GLIS3: variants seen among roughly 807,000 people sequenced by gnomAD.
The protein encoded by GLIS3 is zinc finger protein GLIS3.
Under a neutral mutation model 78.6 loss-of-function variants are expected in GLIS3, and 53 were observed. That is an observed-to-expected ratio of 0.67 (90% CI 0.54 to 0.85). The LOEUF is 0.85. GLIS3 is among the 40% of genes least tolerant of loss of function. The pLI is 0.00. For missense variants in GLIS3, 1,703 were observed against 1,231.1 expected, an observed-to-expected ratio of 1.38 and a Z score of -5.74; for synonymous variants, 684 against 509.9, an observed-to-expected ratio of 1.34 and a Z score of -4.60.
At chr9:4,475,547 T>G in the GLIS3 span, among the ~76,000 whole-genome samples, 1 of 152,206 alleles carries the variant, frequency 6.6e-6, no homozygotes, top group Non-Finnish European at 1.5e-5. Flanking sequence ...CCACACAGTG[T>G]AGTATTCTGC....
intron 9 of GLIS3, among the ~76,000 whole-genome samples, chr9:3,840,052 T>G (rs1818618646): frequency 6.6e-6 from 1 of 152,242 alleles, no homozygotes; most frequent in Non-Finnish European, 1.5e-5. Flanking sequence ...TGTCTTTGGA[T>G]GAATGATTTT....
intron 2 of GLIS3, chr9:4,285,506 C>A (rs956989846): frequency 6.6e-6 from 1 of 152,258 alleles, no homozygotes; most frequent in Non-Finnish European, 1.5e-5. Flanking sequence ...AAATTACAGG[C>A]TTTGCTCTTA....
chr9:4,335,710 T>G (rs1817746076), intron 2 of GLIS3, among the ~76,000 whole-genome samples: 1 of 152,170 alleles, frequency 6.6e-6, no homozygotes, highest in Non-Finnish European at 1.5e-5. Flanking sequence ...AGGATCTATT[T>G]AGACCTCTCT....
At chr9:4,316,838 G>C (rs1033844588) in intron 2 of GLIS3, among the ~76,000 whole-genome samples, 1 of 150,074 alleles carries the variant, frequency 6.7e-6, no homozygotes, top group African/African-American at 2.5e-5. Flanking sequence ...ATTTATTTCC[G>C]TGTTTAATAT....
chr9:4,126,153 C>T (rs996454826), intron 2 of GLIS3, among the ~76,000 whole-genome samples: 5 of 152,042 alleles, frequency 3.3e-5, no homozygotes, highest in Non-Finnish European at 5.9e-5. Context: ...AGCACTCATA[C>T]AAAATGTGCT....
intron 2 of GLIS3, among the ~76,000 whole-genome samples, chr9:4,341,704 C>T (rs7040026): frequency 0.018 from 2,769 of 152,308 alleles, 86 homozygotes; most frequent in African/African-American, 0.06. Context: ...GATAACTGTG[C>T]CCAGGTACTC....
chr9:4,418,503 A>G, the GLIS3 span, among the ~76,000 whole-genome samples: 1 of 152,360 alleles, frequency 6.6e-6, no homozygotes, highest in Admixed American at 6.5e-5. Flanking sequence ...ATATTGGACC[A>G]GGCTGGCCAA....
Position 4,115,686 on chromosome 9 carries a change from A to C in GLIS3, c.1710+2082T>G, listed in dbSNP as rs552658820. ...AGTTTTCAGAAGACACAATGCCCAT[A>C]ATATGTATGTTTTAGAAGAAAATGA... On this transcript the variant is annotated intron_variant, in intron 4 of 10. Coordinates refer to ENST00000381971, the MANE Select transcript of GLIS3 (RefSeq NM_001042413.2). Among the ~76,000 whole-genome samples, 7 of 152,226 alleles carry C rather than the reference A, an allele frequency of 4.6e-5. No individual in the cohort carries two copies. In the South Asian group the frequency reaches 1.5e-3, roughly 32 times the overall value.
intron 4 of GLIS3, among the ~76,000 whole-genome samples, chr9:4,077,934 A>G (rs1828218808): frequency 6.6e-6 from 1 of 152,132 alleles, no homozygotes; most frequent in Non-Finnish European, 1.5e-5. Context: ...TCCTATCTCA[A>G]GAGGGAATAG....
intron 2 of GLIS3, among the ~76,000 whole-genome samples, chr9:4,342,245 C>T (rs1253827754): frequency 1.3e-5 from 2 of 152,082 alleles, no homozygotes; most frequent in African/African-American, 2.4e-5. Flanking sequence ...AGGTCTTTAA[C>T]CCATCTTGAG....
chr9:4,001,740 T>C (rs1008175648), intron 4 of GLIS3, among the ~76,000 whole-genome samples: 1 of 152,216 alleles, frequency 6.6e-6, no homozygotes, highest in Admixed American at 6.5e-5. Flanking sequence ...ATACTTTCAA[T>C]GATGCATTTT....
chr9:3,972,565 G>T (rs909698321), intron 4 of GLIS3, among the ~76,000 whole-genome samples: 1 of 151,686 alleles, frequency 6.6e-6, no homozygotes, highest in Non-Finnish European at 1.5e-5. Flanking sequence ...GGTTTTTTTT[G>T]TTTGTTTGTT....
At chr9:4,025,525 T>C (rs556175310) in intron 4 of GLIS3, among the ~76,000 whole-genome samples, 18 of 152,126 alleles carry the variant, frequency 1.2e-4, no homozygotes, top group South Asian at 8.3e-4. Flanking sequence ...GTAGCTGGGA[T>C]TACAGGCACC....
Position 3,932,397 on chromosome 9 carries a change from T to C in GLIS3, c.1946A>G (p.Lys649Arg), listed in dbSNP as rs548453413. 1.2e-6 allele frequency: 2 copies of C among 1,613,810 alleles called. No individual in the cohort carries two copies. Among genetic ancestry groups the C allele is most frequent in the African/African-American group, 1.3e-5 (1 of 74,962 alleles). ...TTGTTGCTCTTTGGAAGAATGTGCC[T>C]TCACATGCTTTCTTAGGGAACTTGG... ...TDPSSLRKHVKAHSSKEQQAR... is the reference protein window; with the variant it reads ...TDPSSLRKHVRAHSSKEQQAR... The change falls in exon 6 of 11, where the codon AAG becomes AGG. Residue 649 changes from lysine (K) to arginine (R), a missense_variant. By Grantham distance (26) the Lys-to-Arg change is conservative. Coordinates refer to ENST00000381971, the MANE Select transcript of GLIS3 (RefSeq NM_001042413.2).
chr9:3,922,700 G>C (rs1824967914), intron 6 of GLIS3, among the ~76,000 whole-genome samples: 1 of 151,996 alleles, frequency 6.6e-6, no homozygotes, highest in African/African-American at 2.4e-5. Flanking sequence ...CACAAACTCT[G>C]CTACCAAAAA....
chr9:3,961,552 A>G (rs1487584896), intron 4 of GLIS3, among the ~76,000 whole-genome samples: 1 of 152,238 alleles, frequency 6.6e-6, no homozygotes, highest in African/African-American at 2.4e-5. Context: ...AAACTATTCC[A>G]AAATCAAGGT....
intron 4 of GLIS3, among the ~76,000 whole-genome samples, chr9:3,991,379 T>C (rs1820219670): frequency 6.6e-6 from 1 of 151,994 alleles, no homozygotes; most frequent in Non-Finnish European, 1.5e-5. Context: ...GGTACAAGTC[T>C]GAAGAGACAT....
chr9:4,262,660 T>G (rs976503196), intron 2 of GLIS3, among the ~76,000 whole-genome samples: 1 of 152,130 alleles, frequency 6.6e-6, no homozygotes, highest in African/African-American at 2.4e-5. Flanking sequence ...CATTCTTATA[T>G]AGCCAAAATT....
chr9:4,321,069 A>G (rs1231854894), intron 2 of GLIS3, among the ~76,000 whole-genome samples: 2 of 151,732 alleles, frequency 1.3e-5, no homozygotes, highest in African/African-American at 2.4e-5. Context: ...CTGCTCTTCT[A>G]TTCCAGTCAT....
Sources: allele counts gnomAD v4.1 joint callset (sites outside exome capture counted in the v4.1 genomes callset), GRCh38; gene constraint gnomAD v4.1.1; transcripts MANE v1.5; gene names NCBI Gene and HGNC (gene_info 2026-07-23, HGNC 2026-07-21).